Variants in PLSCR1 observed in about 807,000 individuals in gnomAD.
PLSCR1 encodes the protein phospholipid scramblase 1.
In PLSCR1, 17 loss-of-function variants were observed where a neutral mutation model predicts 37.8. The ratio of observed to expected loss-of-function variants is 0.45; its 90% CI spans 0.31 to 0.68. PLSCR1 has a LOEUF of 0.68. Among genes scored for constraint, PLSCR1 ranks in the 30% least tolerant of loss-of-function variants. PLSCR1 has a pLI of 0.06. For missense variants in PLSCR1, 347 were observed against 380.9 expected, an observed-to-expected ratio of 0.91 and a Z score of 0.74; for synonymous variants, 116 against 125.9, an observed-to-expected ratio of 0.92 and a Z score of 0.53.
chr3:146,527,680 T>C (rs2044137109), intron 4 of PLSCR1, among the ~76,000 whole-genome samples: 1 of 152,216 alleles, frequency 6.6e-6, no homozygotes, highest in Admixed American at 6.5e-5. Context: ...TCTATGTATT[T>C]CTTGCATAAT....
chr3:146,536,635 GAT>G, intron 1 of PLSCR1, 70 bp from the exon 2 acceptor site: 1 of 891,906 alleles, frequency 1.1e-6, no homozygotes. Context: ...GTTGAATCGG[GAT>G]ACTCTAAAAC....
At chr3:146,532,302 C>A (rs938497667) in intron 3 of PLSCR1, among the ~76,000 whole-genome samples, 3 of 152,160 alleles carry the variant, frequency 2.0e-5, no homozygotes, top group Non-Finnish European at 4.4e-5. Flanking sequence ...CAAACACCAA[C>A]CCTATAAGAA....
intron 3 of PLSCR1, among the ~76,000 whole-genome samples, chr3:146,533,066 C>T (rs553366970): frequency 6.6e-6 from 1 of 152,214 alleles, no homozygotes; most frequent in South Asian, 2.1e-4. Context: ...TACTACATGA[C>T]TCAGTTTATC....
At position 146,521,799 on chromosome 3, in the gene PLSCR1, ATTTTACAAAGTGCCCTGGTAAT is replaced by A. The variant is rs2044024930; in HGVS notation, c.576+12_576+33del. On this transcript the variant is annotated intron_variant, in intron 6 of 8. Coordinates refer to ENST00000342435, the MANE Select transcript of PLSCR1 (RefSeq NM_021105.3). ...ACAGGGCAGAAATTCTTGCTGAACT[ATTTTACAAAGTGCCCTGGTAAT>A]TGATCACAGACCTCCTGAAGGCAGC... 6.3e-7 allele frequency: 1 copy of A among 1,587,388 alleles called. No homozygotes were observed. Among genetic ancestry groups the A allele is most frequent in the Non-Finnish European group, 8.6e-7 (1 of 1,157,166 alleles).
At chr3:146,516,337 TA>T in intron 8 of PLSCR1, 1 of 354,560 alleles carries the variant, frequency 2.8e-6, no homozygotes. Context: ...TGAATTTAAT[TA>T]ATCTTCCAGT....
intron 2 of PLSCR1, among the ~76,000 whole-genome samples, chr3:146,534,877 A>C: frequency 6.6e-6 from 1 of 151,998 alleles, no homozygotes; most frequent in Admixed American, 6.5e-5. Flanking sequence ...CTCCATCTCA[A>C]ATAAATAAAT....
chr3:146,544,110 A>G lies in PLSCR1; in HGVS notation c.-14+357T>C, dbSNP rs181309352. On this transcript the variant is annotated intron_variant, in intron 1 of 8. Transcript: ENST00000342435. ...TACCCAGGATTCAGGGCCGCTCTCT[A>G]CCTGTAAAGCAGTGTAGCTAAGGGG... Among the ~76,000 whole-genome samples, 241 of 152,238 alleles carry G rather than the reference A, an allele frequency of 1.6e-3. 1 individual carries two copies. Among genetic ancestry groups the G allele is most frequent in the African/African-American group, 5.5e-3 (230 of 41,548 alleles).
chr3:146,539,357 C>T (rs1475596672), intron 1 of PLSCR1, among the ~76,000 whole-genome samples: 4 of 152,316 alleles, frequency 2.6e-5, no homozygotes, highest in Middle Eastern at 3.4e-3. Context: ...GCTGTCAATA[C>T]AGATGAAACT....
intron 5 of PLSCR1, among the ~76,000 whole-genome samples, chr3:146,522,702 T>G (rs1040255341): frequency 4.6e-5 from 7 of 152,048 alleles, no homozygotes; most frequent in Non-Finnish European, 8.8e-5. Flanking sequence ...CTGAGGGGGA[T>G]TAGTAAAAGA....
chr3:146,518,337 G>A (rs1262139519), intron 7 of PLSCR1, among the ~76,000 whole-genome samples: 3 of 147,836 alleles, frequency 2.0e-5, no homozygotes, highest in Non-Finnish European at 4.5e-5. Flanking sequence ...AGCAGATTGA[G>A]GTTAACATGC....
chr3:146,544,198 T>C (rs1163318389), intron 1 of PLSCR1, among the ~76,000 whole-genome samples: 1 of 152,196 alleles, frequency 6.6e-6, no homozygotes, highest in African/African-American at 2.4e-5. Context: ...GGTTCTGGGG[T>C]GAGCCCGGGT....
chr3:146,540,810 C>T (rs1463635926), intron 1 of PLSCR1: 2 of 152,088 alleles, frequency 1.3e-5, no homozygotes, highest in Non-Finnish European at 2.9e-5. Flanking sequence ...GAATAAGATA[C>T]TAGACTAGAG....
intron 5 of PLSCR1, among the ~76,000 whole-genome samples, chr3:146,522,753 T>C (rs2044044684): frequency 6.6e-6 from 1 of 152,146 alleles, no homozygotes; most frequent in Non-Finnish European, 1.5e-5. Context: ...GAGGAAGGTA[T>C]CTGTCTCCTG....
In PLSCR1 at chr3:146,535,170, G is replaced by A. The variant is rs533719709; in HGVS notation, c.13+1370C>T. ...CAAGAAAATATTTTGCAAGTCTGAA[G>A]TAAAGATCTACCCTTGACAGGTATG... On this transcript the variant is annotated intron_variant, in intron 2 of 8. Coordinates refer to ENST00000342435, the MANE Select transcript of PLSCR1 (RefSeq NM_021105.3). Among the ~76,000 whole-genome samples, 22 of 130,162 alleles carry A rather than the reference G, an allele frequency of 1.7e-4. 1 individual carries two copies. The South Asian group carries it at 3.9e-3, about 23-fold the overall frequency. The allele number at this position is 130,162 out of a possible 152,430, so 85.4% of individuals were successfully genotyped here.
intron 4 of PLSCR1, among the ~76,000 whole-genome samples, chr3:146,526,868 G>A (rs1286573840): frequency 1.3e-5 from 2 of 152,130 alleles, no homozygotes; most frequent in Non-Finnish European, 2.9e-5. Context: ...GAGGCCAGGC[G>A]CAGTGGTTCA....
In PLSCR1 at chr3:146,528,828, G is replaced by A; in HGVS notation, c.98C>T (p.Pro33Leu). 5.0e-6 allele frequency: 8 copies of A among 1,609,406 alleles called. No individual in the cohort carries two copies. Among genetic ancestry groups the A allele is most frequent in the Non-Finnish European group, 6.8e-6 (8 of 1,177,526 alleles). The change falls in exon 4 of 9, where the codon CCT becomes CTT. Residue 33 changes from proline to leucine, a missense_variant. Pro to Leu is a moderately conservative substitution (Grantham distance 98). Transcript: ENST00000342435. ...PQYPPTAFQG[P>L]PGYSGYPGPQ... ...CCCAGGGTAGCCACTATATCCTGGAGGTCCTGAAATACAAACAAGTGAAAT... is the reference window on the plus strand; with the variant it reads ...CCCAGGGTAGCCACTATATCCTGGAAGTCCTGAAATACAAACAAGTGAAAT...
intron 1 of PLSCR1, among the ~76,000 whole-genome samples, chr3:146,537,095 G>A (rs1027030843): frequency 5.3e-5 from 8 of 151,460 alleles, no homozygotes; most frequent in African/African-American, 1.9e-4. Context: ...GAGAAGGCCT[G>A]AGACGACTCC....
intron 7 of PLSCR1, chr3:146,520,147 A>G (rs985717196): frequency 1.3e-5 from 2 of 152,100 alleles, no homozygotes; most frequent in Non-Finnish European, 2.9e-5. Flanking sequence ...CTATTTCTCA[A>G]TTCTTTCCAT....
intron 1 of PLSCR1, among the ~76,000 whole-genome samples, chr3:146,539,591 T>C (rs2044310780): frequency 6.6e-6 from 1 of 152,222 alleles, no homozygotes; most frequent in African/African-American, 2.4e-5. Flanking sequence ...CATTCTCTCC[T>C]TGCACAGAAA....
Sources: allele counts gnomAD v4.1 joint callset (sites outside exome capture counted in the v4.1 genomes callset), GRCh38; gene constraint gnomAD v4.1.1; transcripts MANE v1.5; gene names NCBI Gene and HGNC (gene_info 2026-07-23, HGNC 2026-07-21).